The following ASIC2 variants were observed in gnomAD, a reference collection of about 807,000 sequenced individuals.
ASIC2 encodes acid sensing ion channel subunit 2, also known as acid-sensing ion channel 2.
ASIC2 carries 25 observed loss-of-function variants against 57.3 expected under a neutral mutation model. The observed-to-expected ratio is 0.44, with a 90% CI of 0.32 to 0.61. The LOEUF is 0.61. Among genes scored for constraint, ASIC2 ranks in the 20% least tolerant of loss-of-function variants. ASIC2 has a pLI of 0.06. For missense variants in ASIC2, 641 were observed against 738.1 expected, an observed-to-expected ratio of 0.87 and a Z score of 1.52; for synonymous variants, 319 against 307.5, an observed-to-expected ratio of 1.04 and a Z score of -0.39.
At chr17:33,248,945 C>T (rs1049211280) in intron 1 of ASIC2, among the ~76,000 whole-genome samples, 3 of 152,124 alleles carry the variant, frequency 2.0e-5, no homozygotes, top group African/African-American at 7.2e-5. Flanking sequence ...GGGTCCATGA[C>T]CCAGCCTCCT....
At chr17:33,074,859 T>C (rs1031943465) in intron 3 of ASIC2, among the ~76,000 whole-genome samples, 4 of 152,198 alleles carry the variant, frequency 2.6e-5, no homozygotes, top group African/African-American at 4.8e-5. Flanking sequence ...GATAAGACTT[T>C]CAAGGAATTG....
chr17:33,711,397 G>A (rs1308217291), intron 1 of ASIC2, among the ~76,000 whole-genome samples: 2 of 152,150 alleles, frequency 1.3e-5, no homozygotes, highest in Non-Finnish European at 1.5e-5. Flanking sequence ...ATACCCACCT[G>A]GGTGAGAGTC....
chr17:33,636,898 A>C (rs965485183), intron 1 of ASIC2, among the ~76,000 whole-genome samples: 12 of 151,708 alleles, frequency 7.9e-5, no homozygotes, highest in African/African-American at 2.7e-4. Context: ...CACACACACC[A>C]CACACCTGTA....
chr17:33,079,801 G>A (rs1015228346), intron 3 of ASIC2, among the ~76,000 whole-genome samples: 1 of 152,012 alleles, frequency 6.6e-6, no homozygotes, highest in African/African-American at 2.4e-5. Context: ...TTAGTTTTCC[G>A]GTCCCCCTGT....
intron 1 of ASIC2, among the ~76,000 whole-genome samples, chr17:33,675,303 A>G (rs77447861): frequency 0.05 from 7,605 of 152,194 alleles, 486 homozygotes; most frequent in African/African-American, 0.15. Flanking sequence ...GGGTGGCTGC[A>G]GTGTGTTGTA....
intron 1 of ASIC2, among the ~76,000 whole-genome samples, chr17:33,618,090 TAACCTAGTTATGGAC>T (rs1366041559): frequency 4.6e-5 from 7 of 152,128 alleles, no homozygotes; most frequent in Non-Finnish European, 1.0e-4. Flanking sequence ...TGGGGATGGA[TAACCTAGTTATGGAC>T]AACCTAGTTA....
intron 1 of ASIC2, among the ~76,000 whole-genome samples, chr17:33,265,246 T>C (rs1909418244): frequency 6.6e-6 from 1 of 152,214 alleles, no homozygotes; most frequent in South Asian, 2.1e-4. Flanking sequence ...AGCAAAGGCA[T>C]GGAATCAACC....
At chr17:33,519,434 A>C (rs1914675759) in intron 1 of ASIC2, among the ~76,000 whole-genome samples, 1 of 152,150 alleles carries the variant, frequency 6.6e-6, no homozygotes, top group South Asian at 2.1e-4. Flanking sequence ...TTGACGAGCT[A>C]TGACCCCCGT....
chr17:33,556,312 G>A (rs947548813), intron 1 of ASIC2, among the ~76,000 whole-genome samples: 12 of 152,178 alleles, frequency 7.9e-5, no homozygotes, highest in African/African-American at 2.9e-4. Context: ...AGGGGCCTAA[G>A]GCATAAAGCA....
intron 1 of ASIC2, among the ~76,000 whole-genome samples, chr17:33,222,046 T>C (rs1439189669): frequency 6.6e-6 from 1 of 152,194 alleles, no homozygotes; most frequent in Non-Finnish European, 1.5e-5. Context: ...GTGGGTTCTC[T>C]GTAGTGCAAC....
chr17:34,099,464 AAGAG>A (rs367785858), intron 1 of ASIC2, among the ~76,000 whole-genome samples: 531 of 115,370 alleles, frequency 4.6e-3, no homozygotes, highest in Non-Finnish European at 5.9e-3. Flanking sequence ...AAAAGAAAGA[AAGAG>A]AGAGAAAGGA....
Position 34,009,710 on chromosome 17 carries a change from C to T in ASIC2, c.555+146268G>A, listed in dbSNP as rs147895827. Among the ~76,000 whole-genome samples, 1,494 of 152,292 alleles carry T rather than the reference C, an allele frequency of 9.8e-3. 20 individuals carry two copies. Among genetic ancestry groups the T allele is most frequent in the African/African-American group, 0.034 (1,404 of 41,572 alleles). On this transcript the variant is annotated intron_variant, in intron 1 of 9. Transcript: ENST00000359872. ...TATATTGCAGCAGGGGGCATTTCTG[C>T]TAAATGTTTAAAAACAGGCCTTGAG...
At chr17:33,366,961 G>A (rs72821128) in intron 1 of ASIC2, among the ~76,000 whole-genome samples, 3 of 152,352 alleles carry the variant, frequency 2.0e-5, no homozygotes, top group East Asian at 3.9e-4. Context: ...TCAGTGTTTC[G>A]TGGACTAAGC....
chr17:34,095,607 T>TTA (rs3071169), intron 1 of ASIC2, among the ~76,000 whole-genome samples: 51,874 of 95,374 alleles, frequency 0.54, 13,342 homozygotes, highest in South Asian at 0.66. Context: ...CAGGCAAATT[T>TTA]TATATATATA....
rs555809176 is a variant in ASIC2, at chr17:33,113,485, T to C, written c.709-1418A>G. On this transcript the variant is annotated intron_variant, in intron 1 of 9. Coordinates refer to ENST00000225823, the MANE Select transcript of ASIC2 (RefSeq NM_183377.2). ...ATTGGATTCCTGCAGCCACAGAGAT[T>C]TGGGTCTGGGCCACTTTCCTGAGCA... Among the ~76,000 whole-genome samples the C allele has an allele frequency of 4.6e-5, 7 of 152,284 alleles. No individual in the cohort carries two copies. The South Asian group carries it at 1.5e-3, about 32-fold the overall frequency.
At position 33,956,160 on chromosome 17, in the gene ASIC2, G is replaced by T. The variant is rs533784345; in HGVS notation, c.555+199818C>A. Among the ~76,000 whole-genome samples the T allele has an allele frequency of 2.0e-5, 3 of 152,310 alleles. No homozygotes were observed. In the South Asian group the frequency reaches 6.2e-4, roughly 32 times the overall value. ...AATCACTGAATAAAGGAAAGTCTTA[G>T]TGTTGAAGGAATGCTTGGGCAGTGA... On this transcript the variant is annotated intron_variant, in intron 1 of 9. Transcript: ENST00000359872.
intron 1 of ASIC2, among the ~76,000 whole-genome samples, chr17:33,626,459 G>C (rs1436004334): frequency 6.6e-6 from 1 of 152,092 alleles, no homozygotes; most frequent in Non-Finnish European, 1.5e-5. Context: ...CTATGAATCT[G>C]CTAGGCTATT....
chr17:33,498,409 G>A (rs933958781), intron 1 of ASIC2, among the ~76,000 whole-genome samples: 6 of 152,230 alleles, frequency 3.9e-5, no homozygotes, highest in South Asian at 2.1e-4. Flanking sequence ...CAAAGAGCAC[G>A]GGAGTTTGGA....
In ASIC2 at chr17:33,341,424, C is replaced by T. The variant is rs181314224; in HGVS notation, c.556-229357G>A. 3.4e-4 allele frequency among the ~76,000 whole-genome samples: 51 copies of T among 152,232 alleles called. No individual in the cohort carries two copies. The East Asian group carries it at 8.7e-3, about 26-fold the overall frequency. ...TAGTTTAAATCAGGAGTTGGCAAAC[C>T]GTGACTGTTTTTGTAAATAACATTT... is the stretch of plus-strand genomic sequence containing the variant. On this transcript the variant is annotated intron_variant, in intron 1 of 9. Transcript: ENST00000359872.
Sources: allele counts gnomAD v4.1 joint callset (sites outside exome capture counted in the v4.1 genomes callset), GRCh38; gene constraint gnomAD v4.1.1; transcripts MANE v1.5; gene names NCBI Gene and HGNC (gene_info 2026-07-23, HGNC 2026-07-21).